CHRM3: variants seen among roughly 807,000 people sequenced by gnomAD.
CHRM3 encodes muscarinic acetylcholine receptor M3.
CHRM3 carries 11 observed loss-of-function variants against 41.8 expected under a neutral mutation model. That is an observed-to-expected ratio of 0.26 (90% CI 0.17 to 0.44). The LOEUF is 0.44. CHRM3 is among the 20% of genes least tolerant of loss of function. CHRM3 has a pLI of 1.00. For missense variants in CHRM3, 571 were observed against 745.4 expected (o/e 0.77, Z 2.72); for synonymous variants, 297 against 301.4 (o/e 0.99, Z 0.15).
chr1:239,848,631 G>A (rs1318460251), intron 6 of CHRM3, among the ~76,000 whole-genome samples: 5 of 152,132 alleles, frequency 3.3e-5, no homozygotes, highest in African/African-American at 1.2e-4. Context: ...CTAGGAAGCA[G>A]CAGGTACATG....
chr1:239,644,245 A>T (rs896451222), intron 4 of CHRM3, among the ~76,000 whole-genome samples: 1 of 152,254 alleles, frequency 6.6e-6, no homozygotes, highest in African/African-American at 2.4e-5. Flanking sequence ...AGCAGATTCA[A>T]CCCTTGATGC....
At chr1:239,753,543 CACTATT>C (rs1454844872) in intron 5 of CHRM3, among the ~76,000 whole-genome samples, 4 of 152,110 alleles carry the variant, frequency 2.6e-5, no homozygotes, top group Non-Finnish European at 5.9e-5. Flanking sequence ...AGAACTTACT[CACTATT>C]ACAAGAACAG....
chr1:239,708,534 C>G (rs891137243), intron 5 of CHRM3, among the ~76,000 whole-genome samples: 2 of 152,106 alleles, frequency 1.3e-5, no homozygotes, highest in African/African-American at 2.4e-5. Flanking sequence ...AACATCTCAG[C>G]ACCTCCACCC....
rs2103071817 is a variant in CHRM3 at position 239,913,466 on chromosome 1, T to C, written c.*4242T>C. 1 of 167,126 alleles carries C rather than the reference T, an allele frequency of 6.0e-6. No homozygotes were observed. The highest frequency in any genetic ancestry group is 1.9e-4 in the East Asian group (1 of 5,186). The allele number at this position is 167,126 out of a possible 1,614,324, so 10.4% of individuals were successfully genotyped here. ...GTATCAACTCTAGCCCTTAATAGGT[T>C]CAAGGACAAGTTTACTGCTTCCTTT... On this transcript the variant is annotated 3_prime_UTR_variant, in exon 7 of 7. Coordinates refer to ENST00000676153, the MANE Select transcript of CHRM3 (RefSeq NM_001375978.1).
At chr1:239,458,263 A>T (rs1054132284) in intron 1 of CHRM3, among the ~76,000 whole-genome samples, 2 of 152,144 alleles carry the variant, frequency 1.3e-5, no homozygotes, top group African/African-American at 4.8e-5. Flanking sequence ...ACTTTTATCT[A>T]TTAACTATCT....
intron 5 of CHRM3, among the ~76,000 whole-genome samples, chr1:239,679,729 A>AT (rs1658373781): frequency 1.3e-5 from 2 of 152,044 alleles, no homozygotes; most frequent in Admixed American, 6.6e-5. Flanking sequence ...TTTATTATTT[A>AT]TTTTGGGCCT....
At chr1:239,552,507 T>TTATA (rs113901251) in intron 3 of CHRM3, among the ~76,000 whole-genome samples, 8 of 145,888 alleles carry the variant, frequency 5.5e-5, no homozygotes, top group African/African-American at 2.0e-4. Flanking sequence ...AATATATATT[T>TTATA]TATATATATA....
chr1:239,405,533 A>T (rs574045369), intron 1 of CHRM3, among the ~76,000 whole-genome samples: 87 of 152,264 alleles, frequency 5.7e-4, no homozygotes, highest in African/African-American at 2.0e-3. Flanking sequence ...TTGGCCAATT[A>T]GACTTGAGGT....
intron 2 of CHRM3, among the ~76,000 whole-genome samples, chr1:239,545,005 C>A (rs1348373095): frequency 6.6e-6 from 1 of 151,812 alleles, no homozygotes; most frequent in Non-Finnish European, 1.5e-5. Flanking sequence ...GACTACATTG[C>A]AGATTTGTGG....
chr1:239,654,635 G>T (rs542149426), intron 4 of CHRM3, among the ~76,000 whole-genome samples: 1 of 152,248 alleles, frequency 6.6e-6, no homozygotes, highest in African/African-American at 2.4e-5. Flanking sequence ...CTGACCTCAG[G>T]TAATCCGCCC....
intron 5 of CHRM3, among the ~76,000 whole-genome samples, chr1:239,725,958 A>G (rs575218148): frequency 2.6e-5 from 4 of 152,076 alleles, no homozygotes; most frequent in Non-Finnish European, 5.9e-5. Context: ...AAACTGCCCC[A>G]TACTTGTATA....
At chr1:239,463,243 G>A (rs1169545420) in intron 1 of CHRM3, among the ~76,000 whole-genome samples, 1 of 151,962 alleles carries the variant, frequency 6.6e-6, no homozygotes, top group Non-Finnish European at 1.5e-5. Context: ...ATTGTATGAG[G>A]CATTATTTTC....
chr1:239,894,150 T>G (rs1284736105), intron 6 of CHRM3, among the ~76,000 whole-genome samples: 1 of 152,200 alleles, frequency 6.6e-6, no homozygotes, highest in Non-Finnish European at 1.5e-5. Context: ...AGGAACCACT[T>G]TATTTTCATC....
chr1:239,460,420 C>T (rs2147875091), intron 1 of CHRM3, among the ~76,000 whole-genome samples: 1 of 152,298 alleles, frequency 6.6e-6, no homozygotes, highest in Non-Finnish European at 1.5e-5. Context: ...TGCTACCAAA[C>T]TCCATCCCAG....
At chr1:239,679,097 A>G (rs1658307355) in intron 5 of CHRM3, among the ~76,000 whole-genome samples, 1 of 151,978 alleles carries the variant, frequency 6.6e-6, no homozygotes, top group South Asian at 2.1e-4. Context: ...TACATAATAT[A>G]TGCATGTGTG....
chr1:239,387,322 A>G lies in CHRM3; in HGVS notation c.-521+95A>G, dbSNP rs1388958875. On this transcript the variant is annotated intron_variant, in intron 1 of 6. Coordinates refer to ENST00000676153, the MANE Select transcript of CHRM3 (RefSeq NM_001375978.1). The surrounding 1 kb of genome is among the most constrained non-coding windows in gnomAD (Gnocchi z 5.1). Reference sequence around the variant, plus strand: ...CCTTATCTCGTTGCGAAAGGAGGAAAAAGTTTTCGGCGCGGGTAGGAGAGG... The same window carrying G: ...CCTTATCTCGTTGCGAAAGGAGGAAGAAGTTTTCGGCGCGGGTAGGAGAGG... 2 of 151,782 alleles carry G rather than the reference A, an allele frequency of 1.3e-5. No homozygotes were observed. The highest frequency in any genetic ancestry group is 2.9e-5 in the Non-Finnish European group (2 of 68,050). The allele number at this position is 151,782 out of a possible 1,614,324, so 9.4% of individuals were successfully genotyped here.
At chr1:239,710,766 A>G (rs528150108) in intron 5 of CHRM3, among the ~76,000 whole-genome samples, 1 of 152,090 alleles carries the variant, frequency 6.6e-6, no homozygotes, top group Non-Finnish European at 1.5e-5. Flanking sequence ...AAATAAGTAT[A>G]GGCTTTAAGG....
chr1:239,883,531 G>A (rs1034610640), intron 6 of CHRM3, among the ~76,000 whole-genome samples: 4 of 152,146 alleles, frequency 2.6e-5, no homozygotes, highest in Non-Finnish European at 5.9e-5. Flanking sequence ...CATTCTAACT[G>A]CTTACTAAAT....
chr1:239,632,927 A>T (rs1175152883), intron 4 of CHRM3, among the ~76,000 whole-genome samples: 1 of 152,216 alleles, frequency 6.6e-6, no homozygotes, highest in South Asian at 2.1e-4. Flanking sequence ...GGAAGGCCTC[A>T]GGAAACTTAT....
Sources: allele counts gnomAD v4.1 joint callset (sites outside exome capture counted in the v4.1 genomes callset), GRCh38; gene constraint gnomAD v4.1.1; non-coding constraint Gnocchi (gnomAD v3.1); transcripts MANE v1.5; gene names NCBI Gene and HGNC (gene_info 2026-07-23, HGNC 2026-07-21).